The following DYNC2H1 variants were observed in gnomAD, a reference collection of about 807,000 sequenced individuals.
DYNC2H1 encodes the protein cytoplasmic dynein 2 heavy chain 1.
Under a neutral mutation model 570.0 loss-of-function variants are expected in DYNC2H1, and 410 were observed. The ratio of observed to expected loss-of-function variants is 0.72; its 90% CI spans 0.66 to 0.78. The LOEUF is 0.78. Ranked by LOEUF, DYNC2H1 falls within the 30% of genes least tolerant of loss-of-function variation. The probability of loss-of-function intolerance (pLI) is 0.00; values close to 1 mark genes in which losing one functional copy is unlikely to be tolerated. For missense variants in DYNC2H1, 4,865 were observed against 5,046.4 expected (o/e 0.96, Z 1.09); for synonymous variants, 1,688 against 1,677.6 (o/e 1.01, Z -0.15).
Position 103,200,098 on chromosome 11 carries a change from A to T in DYNC2H1, c.8141A>T (p.Asp2714Val). Reference sequence around the variant, plus strand: ...CAACAGGTAGTTTTACTTCTTGAGGATTACCAGTTTGTACATCCTACATTT... The same window carrying T: ...CAACAGGTAGTTTTACTTCTTGAGGTTTACCAGTTTGTACATCCTACATTT... ...EAQQVVLLLE[D>V]YQFVHPTFLE... Residue 2714 changes from aspartate (D) to valine (V), a missense_variant, in exon 50 of 89, where the codon GAT becomes GTT. By Grantham distance (152) the Asp-to-Val change is radical. This residue lies in a region of DYNC2H1 where 2,401 missense variants were observed against 2,454.6 expected (regional missense o/e 0.98). Coordinates refer to ENST00000375735, the MANE Select transcript of DYNC2H1 (RefSeq NM_001377.3). 6.3e-7 allele frequency: 1 copy of T among 1,592,080 alleles called. No homozygotes were observed. Among genetic ancestry groups the T allele is most frequent in the East Asian group, 2.3e-5 (1 of 44,062 alleles).
Position 103,120,546 on chromosome 11 carries a change from G to A in DYNC2H1, c.1099G>A (p.Gly367Ser). Residue 367 changes from glycine (G) to serine (S), a missense_variant, in exon 7 of 89, where the codon GGC becomes AGC. By Grantham distance (56) the Gly-to-Ser change is moderately conservative. Coordinates refer to ENST00000375735, the MANE Select transcript of DYNC2H1 (RefSeq NM_001377.3). ...CACTCGAGTATTTGAACCTTTTACT[G>A]GCCTGAATCCTGTGCAATATAATCC... The part of the protein sequence containing the change: ...CLTRVFEPFT[G>S]LNPVQYNPYT... 6.2e-7 allele frequency: 1 copy of A among 1,612,944 alleles called. No individual in the cohort carries two copies. The highest frequency in any genetic ancestry group is 8.5e-7 in the Non-Finnish European group (1 of 1,179,408).
At chr11:103,229,911 G>A (rs531964685) in intron 59 of DYNC2H1, among the ~76,000 whole-genome samples, 2 of 152,228 alleles carry the variant, frequency 1.3e-5, no homozygotes, top group East Asian at 3.9e-4. Context: ...AATTTTGAAG[G>A]CCTTATTCTA....
intron 55 of DYNC2H1, among the ~76,000 whole-genome samples, chr11:103,217,942 G>T (rs569745115): frequency 1.3e-5 from 2 of 152,112 alleles, no homozygotes; most frequent in East Asian, 3.9e-4. Flanking sequence ...ACATATAAAG[G>T]GACAGTAAAC....
At position 103,198,717 on chromosome 11, in the gene DYNC2H1, A is replaced by G. The variant is rs567487364; in HGVS notation, c.7840-511A>G. 9.9e-5 allele frequency among the ~76,000 whole-genome samples: 15 copies of G among 152,284 alleles called. No individual in the cohort carries two copies. In the East Asian group the frequency reaches 2.9e-3, roughly 29 times the overall value. ...AAGCGTTGAAAGTTGTTAAATATGT[A>G]AAGTCTAATTTTCCTTTCTCCCTTC... On this transcript the variant is annotated intron_variant, in intron 48 of 88. Coordinates refer to ENST00000375735, the MANE Select transcript of DYNC2H1 (RefSeq NM_001377.3).
At chr11:103,426,153 C>G (rs1445575021) in intron 84 of DYNC2H1, among the ~76,000 whole-genome samples, 1 of 152,168 alleles carries the variant, frequency 6.6e-6, no homozygotes, top group Admixed American at 6.6e-5. Context: ...TAGTCAAAGC[C>G]TATCCCTTTG....
intron 63 of DYNC2H1, among the ~76,000 whole-genome samples, chr11:103,240,671 C>A (rs565002910): frequency 6.6e-6 from 1 of 151,736 alleles, no homozygotes; most frequent in African/African-American, 2.4e-5. Flanking sequence ...TTCATTTATG[C>A]CTTCATCATT....
intron 82 of DYNC2H1, among the ~76,000 whole-genome samples, chr11:103,343,950 T>C (rs4754069): frequency 0.22 from 33,001 of 152,148 alleles, 3,717 homozygotes; most frequent in Admixed American, 0.31. Flanking sequence ...CTACCTGTGA[T>C]TTATGGAATT....
Position 103,152,129 on chromosome 11 carries a change from C to G in DYNC2H1, c.2947-7C>G, listed in dbSNP as rs535824548. 1 of 1,316,730 alleles carries G rather than the reference C, an allele frequency of 7.6e-7. No homozygotes were observed. Among genetic ancestry groups the G allele is most frequent in the Non-Finnish European group, 1.0e-6 (1 of 972,644 alleles). 81.6% of individuals were successfully genotyped at this position (1,316,730 alleles called of 1,614,324 possible). A position where few individuals can be genotyped will look rare whatever the true frequency, so the allele number is the denominator to read the frequency against. ...ATTCAATTTGTTTTTTTTTTTTTAA[C>G]CTTTAGATTTTGCCCTTATTTCAAG... On this transcript the variant is annotated splice_region_variant and splice_polypyrimidine_tract_variant and intron_variant, in intron 20 of 88. Coordinates refer to ENST00000375735, the MANE Select transcript of DYNC2H1 (RefSeq NM_001377.3).
At chr11:103,297,586 AAC>A (rs544519847) in intron 75 of DYNC2H1, among the ~76,000 whole-genome samples, 47 of 152,172 alleles carry the variant, frequency 3.1e-4, no homozygotes, top group Non-Finnish European at 5.6e-4. Flanking sequence ...AGGCAATTGT[AAC>A]ACAGTGGTAG....
intron 82 of DYNC2H1, among the ~76,000 whole-genome samples, chr11:103,335,909 T>C (rs577815574): frequency 5.9e-5 from 9 of 151,904 alleles, no homozygotes; most frequent in South Asian, 2.1e-4. Flanking sequence ...CCCAGGGAGG[T>C]TTTTATTTTT....
At chr11:103,223,799 G>A (rs1489089693) in intron 59 of DYNC2H1, among the ~76,000 whole-genome samples, 1 of 149,884 alleles carries the variant, frequency 6.7e-6, no homozygotes, top group Non-Finnish European at 1.5e-5. Context: ...CCAGGCTGGA[G>A]TGCAGTGGCG....
chr11:103,275,384 TCA>T lies in DYNC2H1; in HGVS notation c.10696-4962_10696-4961del. Among the ~76,000 whole-genome samples the T allele has an allele frequency of 6.6e-6, 1 of 152,190 alleles. No individual in the cohort carries two copies. Among genetic ancestry groups the T allele is most frequent in the Non-Finnish European group, 1.5e-5 (1 of 68,024 alleles). On this transcript the variant is annotated intron_variant, in intron 70 of 88. Transcript: ENST00000375735. This position sits in a 1 kb window ranked among gnomAD's most constrained non-coding sequence, Gnocchi z 4.8. ...TGAAGTTCATAGTTTACATTAAAGT[TCA>T]CTCTTGGTATTGTACCTTATATGGA...
chr11:103,131,611 G>A (rs1859275699), intron 13 of DYNC2H1, among the ~76,000 whole-genome samples: 1 of 151,890 alleles, frequency 6.6e-6, no homozygotes, highest in Admixed American at 6.6e-5. Flanking sequence ...AAGATTAGGT[G>A]TGCTGGTGAC....
chr11:103,322,478 C>T (rs535092248), intron 81 of DYNC2H1, among the ~76,000 whole-genome samples: 1 of 152,266 alleles, frequency 6.6e-6, no homozygotes, highest in Non-Finnish European at 1.5e-5. Flanking sequence ...CTTCTAGTTA[C>T]TACCTCTCCC....
At chr11:103,294,002 G>A (rs1369309286) in intron 75 of DYNC2H1, among the ~76,000 whole-genome samples, 2 of 152,064 alleles carry the variant, frequency 1.3e-5, no homozygotes, top group African/African-American at 4.8e-5. Flanking sequence ...GCTTGAATCT[G>A]GGAGAGGCAG....
chr11:103,308,453 G>T (rs1867405359), intron 78 of DYNC2H1, among the ~76,000 whole-genome samples: 1 of 152,196 alleles, frequency 6.6e-6, no homozygotes, highest in Admixed American at 6.5e-5. Context: ...GAATAATACA[G>T]TGAACACTGG....
At chr11:103,399,158 T>C (rs1367948017) in intron 83 of DYNC2H1, among the ~76,000 whole-genome samples, 1 of 149,544 alleles carries the variant, frequency 6.7e-6, no homozygotes. Context: ...TGTTTTTTTT[T>C]TTGAGATGGA....
At chr11:103,139,674 A>G (rs1859787377) in intron 17 of DYNC2H1, among the ~76,000 whole-genome samples, 1 of 151,978 alleles carries the variant, frequency 6.6e-6, no homozygotes, top group South Asian at 2.1e-4. Context: ...TGTGGTGTTG[A>G]AAAAAATGTA....
chr11:103,212,557 T>A (rs1234002681), intron 54 of DYNC2H1, among the ~76,000 whole-genome samples: 3 of 152,140 alleles, frequency 2.0e-5, no homozygotes, highest in African/African-American at 4.8e-5. Context: ...TATAAAGTAA[T>A]GTTTTCATCC....
Sources: allele counts gnomAD v4.1 joint callset (sites outside exome capture counted in the v4.1 genomes callset), GRCh38; gene constraint gnomAD v4.1.1; regional missense constraint gnomAD v4.1.1; non-coding constraint Gnocchi (gnomAD v3.1); transcripts MANE v1.5; gene names NCBI Gene and HGNC (gene_info 2026-07-23, HGNC 2026-07-21).